ATP13A5: variants seen among roughly 807,000 people sequenced by gnomAD.
ATP13A5 encodes the protein ATPase 13A5, also known as probable cation-transporting ATPase 13A5.
Under a neutral mutation model 150.2 loss-of-function variants are expected in ATP13A5, and 149 were observed. The observed-to-expected ratio is 0.99, with a 90% CI of 0.87 to 1.14. The LOEUF is 1.14. ATP13A5 is among the 50% of genes most tolerant of loss of function. ATP13A5 has a pLI of 0.00. For missense variants in ATP13A5, 1,383 were observed against 1,449.3 expected (o/e 0.95, Z 0.74); for synonymous variants, 497 against 522.2 (o/e 0.95, Z 0.66).
chr3:193,338,461 G>A (rs1293006733), intron 9 of ATP13A5, among the ~76,000 whole-genome samples: 5 of 152,096 alleles, frequency 3.3e-5, no homozygotes, highest in Admixed American at 6.6e-5. Flanking sequence ...GAATTTTATG[G>A]AAGGACTTTT....
At position 193,299,136 on chromosome 3, in the gene ATP13A5, A is replaced by G; in HGVS notation, c.2843T>C (p.Leu948Ser). Residue 948 changes from leucine (L) to serine (S), a missense_variant, in exon 25 of 30, where the codon TTA becomes TCA. By Grantham distance (145) the Leu-to-Ser change is moderately radical. This residue lies in a region of ATP13A5 where 568 missense variants were observed against 621.5 expected (regional missense o/e 0.91). Coordinates refer to ENST00000342358, the MANE Select transcript of ATP13A5 (RefSeq NM_198505.4). ...TTCTTTGCTAAAGAGCTTACTTGTT[A>G]AACAGACCATCAAAGTAATGGCTAC... is the stretch of plus-strand genomic sequence containing the variant. Reference protein sequence around the residue: ...QDVAITLMVCLTMSSTHAYPK... With the variant: ...QDVAITLMVCSTMSSTHAYPK... 6.2e-7 allele frequency: 1 copy of G among 1,604,382 alleles called. No individual in the cohort carries two copies. The highest frequency in any genetic ancestry group is 8.5e-7 in the Non-Finnish European group (1 of 1,174,548).
At position 193,301,256 on chromosome 3, in the gene ATP13A5, G is replaced by A. The variant is rs374057074; in HGVS notation, c.2730C>T (p.Thr910=). ...VSSFGVFKYL[T]MYGIIQFISA... ...TGATAAACTGGATTATGCCGTACAT[G>A]GTCAAGTATTTAAATACTCCAAAGG... is the stretch of plus-strand genomic sequence containing the variant. Residue 910 remains threonine, a synonymous_variant, in exon 24 of 30, where the codon ACC becomes ACT. Transcript: ENST00000342358. 6.2e-7 allele frequency: 1 copy of A among 1,613,386 alleles called. No homozygotes were observed. Among genetic ancestry groups the A allele is most frequent in the African/African-American group, 1.3e-5 (1 of 74,970 alleles).
chr3:193,348,308 C>G (rs7630665), intron 7 of ATP13A5, among the ~76,000 whole-genome samples: 3 of 152,106 alleles, frequency 2.0e-5, no homozygotes, highest in African/African-American at 7.3e-5. Context: ...TCTGTTGCTA[C>G]GTGCCCTTGT....
At chr3:193,311,517 G>A (rs927005143) in intron 20 of ATP13A5, among the ~76,000 whole-genome samples, 4 of 152,116 alleles carry the variant, frequency 2.6e-5, no homozygotes, top group South Asian at 4.2e-4. Flanking sequence ...AACAAGCACC[G>A]TGTTTGGAAC....
chr3:193,347,256 G>A (rs1712374442), intron 7 of ATP13A5, among the ~76,000 whole-genome samples: 1 of 131,210 alleles, frequency 7.6e-6, no homozygotes, highest in Non-Finnish European at 1.6e-5. Flanking sequence ...GCCAGGCATT[G>A]TTGTAGGCAC....
In ATP13A5 at chr3:193,315,103, A is replaced by G. The variant is rs1719000454; in HGVS notation, c.2034-7T>C. 1 of 1,612,534 alleles carries G rather than the reference A, an allele frequency of 6.2e-7. No individual in the cohort carries two copies. Among genetic ancestry groups the G allele is most frequent in the Non-Finnish European group, 8.5e-7 (1 of 1,179,212 alleles). On this transcript the variant is annotated splice_region_variant and splice_polypyrimidine_tract_variant and intron_variant, in intron 17 of 29. Transcript: ENST00000342358. ...CTCTGACTCCACTTTTTCTCTTTGT[A>G]TTCAGGAGAAAATCAATATTAAAGT...
intron 7 of ATP13A5, among the ~76,000 whole-genome samples, chr3:193,349,453 T>C (rs901052103): frequency 4.0e-5 from 6 of 151,654 alleles, no homozygotes; most frequent in Admixed American, 3.3e-4. Context: ...GGAAGGGGAG[T>C]TCTTATAAGC....
intron 26 of ATP13A5, among the ~76,000 whole-genome samples, chr3:193,286,080 G>A (rs1013958616): frequency 6.6e-6 from 1 of 152,010 alleles, no homozygotes; most frequent in Non-Finnish European, 1.5e-5. Context: ...AAAAATCTTT[G>A]TCCAAGATAT....
At chr3:193,279,307 A>G (rs1265884557) in intron 28 of ATP13A5, 59 bp downstream of exon 28, 1 of 1,305,080 alleles carries the variant, frequency 7.7e-7, no homozygotes, top group African/African-American at 1.5e-5. Flanking sequence ...TGTGAATTAC[A>G]ATGAATACAT....
At chr3:193,279,242 A>G (rs1717367670) in intron 28 of ATP13A5, 124 bp downstream of exon 28, 1 of 727,038 alleles carries the variant, frequency 1.4e-6, no homozygotes, top group Non-Finnish European at 2.3e-6. Context: ...CTTCTAGTAT[A>G]TAGAAATAGC....
rs578133742 is a variant in ATP13A5 at position 193,348,961 on chromosome 3, C to T, written c.741+2106G>A. 2.6e-5 allele frequency among the ~76,000 whole-genome samples: 4 copies of T among 151,602 alleles called. No homozygotes were observed. In the South Asian group the frequency reaches 8.3e-4, roughly 32 times the overall value. On this transcript the variant is annotated intron_variant, in intron 7 of 29. Transcript: ENST00000342358. ...GTAAGTCCCTTCACCTCCTGGATTG[C>T]CCCTGTCCCTCCCTCTCAGGTGGTT...
rs527714040 is a variant in ATP13A5, at chr3:193,275,263, T to G, written c.3436A>C (p.Lys1146Gln). ...LQNHELWLLI[K>Q]REFGFYSKSQ... ...TTAGAGTAGAATCCAAATTCTCTTT[T>G]GATCAACAGCCAGAGTTCATGATTT... The change falls in exon 30 of 30, where the codon AAA becomes CAA. Residue 1146 changes from lysine (K) to glutamine (Q), a missense_variant. Physicochemically the swap from Lys to Gln is moderately conservative, Grantham distance 53 (BLOSUM62 1). Transcript: ENST00000342358. 1.2e-6 allele frequency: 2 copies of G among 1,614,044 alleles called. No homozygotes were observed. Among genetic ancestry groups the G allele is most frequent in the Admixed American group, 3.3e-5 (2 of 60,022 alleles).
At chr3:193,333,226 A>G (rs927907742) in intron 11 of ATP13A5, among the ~76,000 whole-genome samples, 13 of 151,724 alleles carry the variant, frequency 8.6e-5, no homozygotes, top group African/African-American at 2.7e-4. Context: ...GGACATTGTA[A>G]TTAAGCCACT....
chr3:193,360,818 A>G (rs1466653772), intron 5 of ATP13A5, among the ~76,000 whole-genome samples: 1 of 152,136 alleles, frequency 6.6e-6, no homozygotes, highest in Non-Finnish European at 1.5e-5. Flanking sequence ...CTGGGACTAC[A>G]GGTACAGGCC....
At chr3:193,369,243 C>T (rs979903498) in intron 1 of ATP13A5, among the ~76,000 whole-genome samples, 2 of 151,678 alleles carry the variant, frequency 1.3e-5, no homozygotes, top group South Asian at 4.2e-4. Flanking sequence ...TCTCTACTGT[C>T]TCTAAGTTTT....
intron 11 of ATP13A5, among the ~76,000 whole-genome samples, chr3:193,332,284 GC>G (rs1711663132): frequency 6.6e-6 from 1 of 152,164 alleles, no homozygotes; most frequent in African/African-American, 2.4e-5. Flanking sequence ...TGACTGTGAG[GC>G]CTCCCCAGCC....
intron 4 of ATP13A5, 49 bp from the exon 5 acceptor site, chr3:193,362,510 C>G (rs768540939): frequency 1.8e-5 from 29 of 1,613,040 alleles, no homozygotes; most frequent in Admixed American, 1.3e-4. Flanking sequence ...TAGCACTCAA[C>G]AAATCAGTGT....
At chr3:193,333,066 GC>G (rs1266877656) in intron 11 of ATP13A5, among the ~76,000 whole-genome samples, 1 of 151,744 alleles carries the variant, frequency 6.6e-6, no homozygotes, top group Non-Finnish European at 1.5e-5. Flanking sequence ...TTAAGTTTTG[GC>G]GTGAACATTG....
At chr3:193,375,811 G>T (rs748429580) in intron 1 of ATP13A5, among the ~76,000 whole-genome samples, 1 of 152,190 alleles carries the variant, frequency 6.6e-6, no homozygotes, top group Non-Finnish European at 1.5e-5. Flanking sequence ...GCTGAGCTCA[G>T]CAGAATCACG....
Sources: gnomAD v4.1 joint callset for allele counts (sites outside exome capture counted in the v4.1 genomes callset) on GRCh38, gnomAD v4.1.1 for gene constraint, gnomAD v4.1.1 regional missense constraint, MANE v1.5 for transcripts, NCBI Gene and HGNC (gene_info 2026-07-23, HGNC 2026-07-21) for gene names.